ADGRE3: variants seen among roughly 807,000 people sequenced by gnomAD.
The protein encoded by ADGRE3 is adhesion G protein-coupled receptor E3.
Under a neutral mutation model 80.1 loss-of-function variants are expected in ADGRE3, and 88 were observed. The ratio of observed to expected loss-of-function variants is 1.10; its 90% CI spans 0.93 to 1.31. The LOEUF is 1.31. ADGRE3 is among the 40% of genes most tolerant of loss of function. ADGRE3 has a pLI of 0.00. For missense variants in ADGRE3, 715 were observed against 776.5 expected (o/e 0.92, Z 0.94); for synonymous variants, 281 against 294.8 (o/e 0.95, Z 0.48).
the ADGRE3 span, among the ~76,000 whole-genome samples, chr19:14,602,715 G>C: frequency 1.3e-5 from 2 of 151,290 alleles, no homozygotes; most frequent in Non-Finnish European, 2.9e-5. Flanking sequence ...CTGTTTCATA[G>C]CATTATTTGT....
chr19:14,659,969 G>A (rs1170387789), intron 4 of ADGRE3, among the ~76,000 whole-genome samples: 1 of 150,734 alleles, frequency 6.6e-6, no homozygotes, highest in African/African-American at 2.4e-5. Context: ...AAACAGCTTT[G>A]TTTTAATACT....
At chr19:14,632,621 C>T (rs1427533041) in intron 13 of ADGRE3, among the ~76,000 whole-genome samples, 3 of 152,158 alleles carry the variant, frequency 2.0e-5, no homozygotes, top group African/African-American at 2.4e-5. Context: ...GCACCTGAGA[C>T]CCTGGAACAC....
intron 6 of ADGRE3, among the ~76,000 whole-genome samples, chr19:14,653,205 T>C (rs1246274895): frequency 6.6e-6 from 1 of 152,010 alleles, no homozygotes; most frequent in Admixed American, 6.6e-5. Flanking sequence ...CTCGAACTCC[T>C]GACCTCAAGT....
intron 15 of ADGRE3, among the ~76,000 whole-genome samples, chr19:14,620,464 GAA>G (rs1250440369): frequency 6.3e-4 from 13 of 20,594 alleles, no homozygotes; most frequent in Non-Finnish European, 7.6e-4. Context: ...ATGAATATAT[GAA>G]TATATTATGA....
At position 14,662,097 on chromosome 19, in the gene ADGRE3, G is replaced by T; in HGVS notation, c.221C>A (p.Pro74His). 6.2e-7 allele frequency: 1 copy of T among 1,613,922 alleles called. No individual in the cohort carries two copies. The highest frequency in any genetic ancestry group is 8.5e-7 in the Non-Finnish European group (1 of 1,179,930). Residue 74 changes from proline to histidine, a missense_variant, in exon 4 of 16, where the codon CCC becomes CAC. Coordinates refer to ENST00000253673, the MANE Select transcript of ADGRE3 (RefSeq NM_032571.5). ...TCNDINECTP[P>H]YSVYCGFNAV... ...GTTAAATCCACAATATACACTATAG[G>T]GTGGTGTACATTCATTAATGTCTGG...
chr19:14,638,853 C>G (rs1297664537), intron 10 of ADGRE3, among the ~76,000 whole-genome samples: 1 of 152,228 alleles, frequency 6.6e-6, no homozygotes, highest in Non-Finnish European at 1.5e-5. Flanking sequence ...TGCGTGGTGA[C>G]TATAGTTAAT....
the ADGRE3 span, among the ~76,000 whole-genome samples, chr19:14,601,120 C>T: frequency 1.3e-5 from 2 of 151,472 alleles, no homozygotes. Context: ...CCAGGCTGTT[C>T]TCGAACTCCT....
At chr19:14,607,005 A>C in the ADGRE3 span, 1 of 1,288,622 alleles carries the variant, frequency 7.8e-7, no homozygotes, top group Non-Finnish European at 9.9e-7. Flanking sequence ...TTTTGTGGCC[A>C]AGGCCCATGG....
chr19:14,614,702 A>G (rs1015395894), downstream of ADGRE3, among the ~76,000 whole-genome samples: 6 of 150,740 alleles, frequency 4.0e-5, no homozygotes, highest in African/African-American at 1.5e-4. Flanking sequence ...TCTGCCTCCC[A>G]AGTAGTTGGG....
rs763239042 is a variant in ADGRE3, at chr19:14,651,054, G to A, written c.697+31C>T. Reference sequence around the variant, plus strand: ...CTCACACAATGACATGGCTCTGTGTGAAGGATTCTGAATGCAGCCATCAGG... The same window carrying A: ...CTCACACAATGACATGGCTCTGTGTAAAGGATTCTGAATGCAGCCATCAGG... On this transcript the variant is annotated intron_variant, in intron 7 of 15. Coordinates refer to ENST00000253673, the MANE Select transcript of ADGRE3 (RefSeq NM_032571.5). 1.9e-6 allele frequency: 3 copies of A among 1,613,220 alleles called. No homozygotes were observed. In the South Asian group the frequency reaches 3.3e-5, roughly 18 times the overall value.
the ADGRE3 span, among the ~76,000 whole-genome samples, chr19:14,608,507 C>T: frequency 6.6e-6 from 1 of 152,082 alleles, no homozygotes; most frequent in African/African-American, 2.4e-5. Flanking sequence ...TGTCTGGACC[C>T]TGAACCTTCA....
At position 14,663,540 on chromosome 19, in the gene ADGRE3, G is replaced by A; in HGVS notation, c.77C>T (p.Thr26Ile). ...ATTTGGGGGGCACTTAGCACAGGAAGCTGCAGGGAGAAGAGAGGCAGGTTA... is the reference window on the plus strand; with the variant it reads ...ATTTGGGGGGCACTTAGCACAGGAAACTGCAGGGAGAAGAGAGGCAGGTTA... Reference protein sequence around the residue: ...LFGAVTQKTKTSCAKCPPNAS... With the variant: ...LFGAVTQKTKISCAKCPPNAS... The change falls in exon 3 of 16, where the codon ACT (threonine) becomes ATT (isoleucine). Residue 26 changes from threonine (T) to isoleucine (I), a missense_variant and splice_region_variant. Thr to Ile is a moderately conservative substitution (Grantham distance 89). Coordinates refer to ENST00000253673, the MANE Select transcript of ADGRE3 (RefSeq NM_032571.5). The A allele has an allele frequency of 6.2e-7, 1 of 1,612,440 alleles. No homozygotes were observed. Among genetic ancestry groups the A allele is most frequent in the Non-Finnish European group, 8.5e-7 (1 of 1,178,930 alleles).
rs1458468752 is a variant in ADGRE3 at position 14,644,160 on chromosome 19, C to T, written c.998G>A (p.Cys333Tyr). ...LIHVNKSHTM[C>Y]NCSHLSSFAV... ...GAAGCTGGACAGGTGACTGCAATTA[C>T]ACATGGTGTGACTCTTGTTCACGTG... The change falls in exon 9 of 16, where the codon TGT becomes TAT. Residue 333 changes from cysteine (C) to tyrosine (Y), a missense_variant. Coordinates refer to ENST00000253673, the MANE Select transcript of ADGRE3 (RefSeq NM_032571.5). 1 of 1,604,204 alleles carries T rather than the reference C, an allele frequency of 6.2e-7. No individual in the cohort carries two copies. The highest frequency in any genetic ancestry group is 1.3e-5 in the African/African-American group (1 of 74,180).
intron 7 of ADGRE3, among the ~76,000 whole-genome samples, chr19:14,649,484 ATC>A (rs944420430): frequency 1.1e-5 from 1 of 94,010 alleles, no homozygotes; most frequent in African/African-American, 4.3e-5. Context: ...CTCTCTTTTG[ATC>A]TCTCTCTCCA....
Position 14,654,813 on chromosome 19 carries a change from C to T in ADGRE3, c.577+169G>A, listed in dbSNP as rs377243012. On this transcript the variant is annotated intron_variant, in intron 6 of 15. Coordinates refer to ENST00000253673, the MANE Select transcript of ADGRE3 (RefSeq NM_032571.5). ...GCCTCTGCCACCCCTCCCTCCTGCC[C>T]CTCCCTGTCACTCTAGATAAGTTTG... 5.9e-5 allele frequency among the ~76,000 whole-genome samples: 9 copies of T among 152,232 alleles called. No individual in the cohort carries two copies. In the East Asian group the frequency reaches 1.2e-3, roughly 20 times the overall value.
intron 2 of ADGRE3, among the ~76,000 whole-genome samples, chr19:14,666,655 G>A (rs546089535): frequency 1.4e-4 from 22 of 152,276 alleles, no homozygotes; most frequent in Non-Finnish European, 3.1e-4. Flanking sequence ...GGGATTACAG[G>A]CGTGAGCCAC....
At chr19:14,620,560 A>AT (rs1463626243) in intron 15 of ADGRE3, among the ~76,000 whole-genome samples, 2 of 23,694 alleles carry the variant, frequency 8.4e-5, no homozygotes, top group Non-Finnish European at 1.5e-4. Flanking sequence ...ATATATATAT[A>AT]TATATATATT....
chr19:14,657,741 A>T (rs1263517204), intron 5 of ADGRE3, among the ~76,000 whole-genome samples: 3 of 56,832 alleles, frequency 5.3e-5, no homozygotes, highest in South Asian at 9.3e-4. Flanking sequence ...ATATATATAT[A>T]TATATTTTTT....
intron 10 of ADGRE3, among the ~76,000 whole-genome samples, chr19:14,640,376 GC>G (rs1473783814): frequency 6.6e-6 from 1 of 151,992 alleles, no homozygotes; most frequent in Non-Finnish European, 1.5e-5. Context: ...TGCAGCCTCT[GC>G]CTCCCGGGTT....
Sources: allele counts gnomAD v4.1 joint callset (sites outside exome capture counted in the v4.1 genomes callset), GRCh38; gene constraint gnomAD v4.1.1; transcripts MANE v1.5; gene names NCBI Gene and HGNC (gene_info 2026-07-23, HGNC 2026-07-21).